The following SEMA3D variants were observed in gnomAD, a reference collection of about 807,000 sequenced individuals.
The protein encoded by SEMA3D is semaphorin 3D.
Under a neutral mutation model 100.1 loss-of-function variants are expected in SEMA3D, and 84 were observed. The observed-to-expected ratio is 0.84, with a 90% CI of 0.70 to 1.01. The LOEUF (loss-of-function observed/expected upper bound fraction) is 1.01, where lower values mean the gene tolerates loss of function less well. Ranked by LOEUF, SEMA3D falls within the 50% of genes least tolerant of loss-of-function variation. The pLI is 0.00. For synonymous variants in SEMA3D, 312 were observed against 320.7 expected (o/e 0.97, Z 0.29); for missense variants, 875 against 934.1 (o/e 0.94, Z 0.82).
At chr7:85,045,872 T>A (rs188777258) in intron 9 of SEMA3D, among the ~76,000 whole-genome samples, 20 of 152,080 alleles carry the variant, frequency 1.3e-4, no homozygotes, top group Admixed American at 6.6e-4. Context: ...TACATTTTTT[T>A]ATCAGCTTTC....
rs138038518 is a variant in SEMA3D, at chr7:84,996,362, A to C, written c.*3078T>G. 492 of 152,166 alleles carry C rather than the reference A, an allele frequency of 3.2e-3. 6 individuals are homozygous for C. Among genetic ancestry groups the C allele is most frequent in the African/African-American group, 0.011 (462 of 41,584 alleles). The allele number at this position is 152,166 out of a possible 1,614,324, so 9.4% of individuals were successfully genotyped here. Reference sequence around the variant, plus strand: ...AGAGTAAGACCATTTTGTAGCCAGCATATTGTAAAGAGCATTATTTTAGCC... The same window carrying C: ...AGAGTAAGACCATTTTGTAGCCAGCCTATTGTAAAGAGCATTATTTTAGCC... On this transcript the variant is annotated 3_prime_UTR_variant, in exon 19 of 19. Coordinates refer to ENST00000284136, the MANE Select transcript of SEMA3D (RefSeq NM_001384900.1).
chr7:85,027,126 G>A (rs1326422854), intron 12 of SEMA3D, among the ~76,000 whole-genome samples: 2 of 152,176 alleles, frequency 1.3e-5, no homozygotes, highest in South Asian at 2.1e-4. Flanking sequence ...TGATATGTTA[G>A]AGTAAAAAAG....
At chr7:85,123,553 T>C (rs1789488048) in intron 2 of SEMA3D, among the ~76,000 whole-genome samples, 1 of 152,110 alleles carries the variant, frequency 6.6e-6, no homozygotes, top group African/African-American at 2.4e-5. Flanking sequence ...ATCTCAGTAG[T>C]TAAGTCAAGT....
At chr7:85,089,970 T>G (rs1479872962) in intron 4 of SEMA3D, among the ~76,000 whole-genome samples, 1 of 152,010 alleles carries the variant, frequency 6.6e-6, no homozygotes, top group Non-Finnish European at 1.5e-5. Context: ...CCATACAAAT[T>G]AATATAAATC....
intron 3 of SEMA3D, among the ~76,000 whole-genome samples, chr7:85,099,069 C>T (rs1435033561): frequency 6.6e-6 from 1 of 151,908 alleles, no homozygotes; most frequent in Non-Finnish European, 1.5e-5. Flanking sequence ...TAAATTTTCA[C>T]CTACTGAAGG....
intron 12 of SEMA3D, among the ~76,000 whole-genome samples, chr7:85,026,890 T>C (rs1790405021): frequency 6.6e-6 from 1 of 152,032 alleles, no homozygotes; most frequent in Admixed American, 6.6e-5. Context: ...ACTTGTGGAA[T>C]CCATGGTTAC....
At chr7:85,042,579 T>G (rs1790894581) in intron 9 of SEMA3D, among the ~76,000 whole-genome samples, 1 of 144,468 alleles carries the variant, frequency 6.9e-6, no homozygotes, top group Admixed American at 6.7e-5. Context: ...ACCTGCCAAT[T>G]TTTTGCTTCA....
At chr7:85,188,771 C>T (rs1223552514), upstream of SEMA3D, among the ~76,000 whole-genome samples, 1 of 152,118 alleles carries the variant, frequency 6.6e-6, no homozygotes, top group Admixed American at 6.5e-5. Flanking sequence ...ATGCTTAAAC[C>T]AAATGACACC....
chr7:85,190,513 T>A (rs1791672779), upstream of SEMA3D, among the ~76,000 whole-genome samples: 1 of 152,130 alleles, frequency 6.6e-6, no homozygotes, highest in Non-Finnish European at 1.5e-5. Flanking sequence ...CCTTATCTTC[T>A]ATTAGCTATT....
the SEMA3D span, among the ~76,000 whole-genome samples, chr7:85,202,164 C>T: frequency 4.5e-3 from 675 of 149,590 alleles, 2 homozygotes; most frequent in African/African-American, 0.016. Flanking sequence ...CCCACTAACT[C>T]GTCATCTAGC....
intron 2 of SEMA3D, among the ~76,000 whole-genome samples, chr7:85,126,413 G>A (rs1217425948): frequency 7.1e-6 from 1 of 141,804 alleles, no homozygotes; most frequent in Non-Finnish European, 1.6e-5. Context: ...TCGTGTGTGT[G>A]TGTGTGTGTG....
At chr7:85,124,349 T>C (rs565158938) in intron 2 of SEMA3D, among the ~76,000 whole-genome samples, 3 of 151,884 alleles carry the variant, frequency 2.0e-5, no homozygotes, top group Non-Finnish European at 2.9e-5. Context: ...TATATTTATA[T>C]GTTAATAAAG....
chr7:85,128,543 T>G (rs745528519), intron 2 of SEMA3D, among the ~76,000 whole-genome samples: 13 of 152,138 alleles, frequency 8.5e-5, no homozygotes, highest in Non-Finnish European at 1.8e-4. Context: ...AATGTCATTT[T>G]TATCAAAACT....
chr7:85,030,818 A>T lies in SEMA3D; in HGVS notation c.1191+6071T>A, dbSNP rs79446689. On this transcript the variant is annotated intron_variant, in intron 12 of 18. Coordinates refer to ENST00000284136, the MANE Select transcript of SEMA3D (RefSeq NM_001384900.1). ...ATTCTGGGTTTTCTAGCAGTCTGTTATTTTGGGCTGGATTCAATTTGGTTT... is the reference window on the plus strand; with the variant it reads ...ATTCTGGGTTTTCTAGCAGTCTGTTTTTTTGGGCTGGATTCAATTTGGTTT... Among the ~76,000 whole-genome samples, 1,041 of 152,040 alleles carry T rather than the reference A, an allele frequency of 6.8e-3. 9 individuals are homozygous for T. The highest frequency in any genetic ancestry group is 0.024 in the African/African-American group (997 of 41,536).
intron 1 of SEMA3D, among the ~76,000 whole-genome samples, chr7:85,172,218 T>C (rs561216628): frequency 1.3e-5 from 2 of 152,128 alleles, no homozygotes; most frequent in East Asian, 3.9e-4. Context: ...AGAGTAATTC[T>C]TATGTATCCT....
the SEMA3D span, among the ~76,000 whole-genome samples, chr7:85,229,535 C>CA: frequency 6.6e-6 from 1 of 151,774 alleles, no homozygotes; most frequent in South Asian, 2.1e-4. Flanking sequence ...GGCTAAACTC[C>CA]AAAAATTACA....
chr7:85,001,871 A>G (rs530471998), intron 18 of SEMA3D, among the ~76,000 whole-genome samples: 3 of 152,252 alleles, frequency 2.0e-5, no homozygotes, highest in Admixed American at 2.0e-4. Context: ...ATGACAATCA[A>G]AGTGGATATC....
intron 3 of SEMA3D, among the ~76,000 whole-genome samples, chr7:85,118,012 A>G (rs1191629445): frequency 6.6e-6 from 1 of 151,986 alleles, no homozygotes; most frequent in Non-Finnish European, 1.5e-5. Flanking sequence ...CTTTCTAGAT[A>G]TGGCTCCAGT....
rs113531483 is a variant in SEMA3D, at chr7:85,072,345, A to T, written c.495+617T>A. Among the ~76,000 whole-genome samples the T allele has an allele frequency of 8.2e-3, 1,242 of 152,310 alleles. 23 individuals are homozygous for T. Among genetic ancestry groups the T allele is most frequent in the African/African-American group, 0.028 (1,172 of 41,584 alleles). ...ATGACTATACACTTTTAAGAAAATTATTAAAATATTCTTTACTTAGTGTCC... is the reference window on the plus strand; with the variant it reads ...ATGACTATACACTTTTAAGAAAATTTTTAAAATATTCTTTACTTAGTGTCC... On this transcript the variant is annotated intron_variant, in intron 6 of 18. Transcript: ENST00000284136.
Sources: gnomAD v4.1 joint callset for allele counts (sites outside exome capture counted in the v4.1 genomes callset) on GRCh38, gnomAD v4.1.1 for gene constraint, MANE v1.5 for transcripts, NCBI Gene and HGNC (gene_info 2026-07-23, HGNC 2026-07-21) for gene names.